Variants in AOAH observed in about 807,000 individuals in gnomAD.
AOAH encodes the protein acyloxyacyl hydrolase (neutrophil).
AOAH carries 64 observed loss-of-function variants against 92.2 expected under a neutral mutation model. The observed-to-expected ratio is 0.69, with a 90% CI of 0.57 to 0.86. The LOEUF is 0.86. Ranked by LOEUF, AOAH falls within the 40% of genes least tolerant of loss-of-function variation. The probability of loss-of-function intolerance (pLI) is 0.00; values close to 1 mark genes in which losing one functional copy is unlikely to be tolerated. For missense variants in AOAH, 656 were observed against 694.6 expected (o/e 0.94, Z 0.62); for synonymous variants, 263 against 254.5 (o/e 1.03, Z -0.32).
chr7:36,569,602 T>C (rs1787979794), intron 13 of AOAH, among the ~76,000 whole-genome samples: 1 of 151,574 alleles, frequency 6.6e-6, no homozygotes, highest in African/African-American at 2.4e-5. Context: ...TATCTATCTA[T>C]CTATCTATCT....
chr7:36,561,400 A>G (rs1190406949), intron 13 of AOAH, among the ~76,000 whole-genome samples: 1 of 152,164 alleles, frequency 6.6e-6, no homozygotes, highest in African/African-American at 2.4e-5. Flanking sequence ...GGAAAAGCCA[A>G]TTGATTTGAG....
intron 2 of AOAH, among the ~76,000 whole-genome samples, chr7:36,680,284 G>A (rs553461357): frequency 2.6e-5 from 4 of 152,130 alleles, no homozygotes; most frequent in Non-Finnish European, 5.9e-5. Context: ...TGCTTTGCAC[G>A]ATTAGAAAAA....
At chr7:36,588,129 A>G (rs1339722549) in intron 12 of AOAH, among the ~76,000 whole-genome samples, 2 of 152,216 alleles carry the variant, frequency 1.3e-5, no homozygotes, top group Non-Finnish European at 2.9e-5. Flanking sequence ...GCTTTGTACT[A>G]TGTGACATTT....
chr7:36,558,821 C>T (rs995540711), intron 13 of AOAH, among the ~76,000 whole-genome samples: 9 of 152,368 alleles, frequency 5.9e-5, no homozygotes, highest in East Asian at 5.8e-4. Flanking sequence ...TTCCTAAGCC[C>T]GTTGGAAAAG....
At chr7:36,551,629 G>T (rs1176915561) in intron 13 of AOAH, among the ~76,000 whole-genome samples, 1 of 151,998 alleles carries the variant, frequency 6.6e-6, no homozygotes, top group African/African-American at 2.4e-5. Flanking sequence ...TGTCCTTTTG[G>T]GTCTGGTTTA....
rs1401306443 is a variant in AOAH at position 36,540,302 on chromosome 7, A to G, written c.1306+17T>C. ...CATTGATGTTATTAAAGAGTAAAAG[A>G]ATCTTCAAACTGATACCGAGAGGAT... On this transcript the variant is annotated intron_variant, in intron 16 of 20. Coordinates refer to ENST00000617537, the MANE Select transcript of AOAH (RefSeq NM_001637.4). 14 of 1,597,558 alleles carry G rather than the reference A, an allele frequency of 8.8e-6. No homozygotes were observed. Among genetic ancestry groups the G allele is most frequent in the Non-Finnish European group, 1.2e-5 (14 of 1,170,302 alleles).
rs148283194 is a variant in AOAH at position 36,716,830 on chromosome 7, G to C, written c.127+7192C>G. The stretch of plus-strand genomic sequence containing the variant: ...ACACACCGGGGCCTGTTGTGGGGTG[G>C]AGGGAGCGGGGAGGGATAGCATTAG... On this transcript the variant is annotated intron_variant, in intron 1 of 20. Coordinates refer to ENST00000617537, the MANE Select transcript of AOAH (RefSeq NM_001637.4). 2.2e-3 allele frequency among the ~76,000 whole-genome samples: 332 copies of C among 151,974 alleles called. 3 individuals are homozygous for C. The highest frequency in any genetic ancestry group is 7.8e-3 in the African/African-American group (322 of 41,382).
At chr7:36,604,511 G>C (rs985010291) in intron 11 of AOAH, among the ~76,000 whole-genome samples, 1 of 152,202 alleles carries the variant, frequency 6.6e-6, no homozygotes, top group Non-Finnish European at 1.5e-5. Flanking sequence ...CTTAGTCTCT[G>C]TTGCAGCCTG....
At chr7:36,715,189 CAGAG>C (rs1169672594) in intron 1 of AOAH, among the ~76,000 whole-genome samples, 1 of 152,084 alleles carries the variant, frequency 6.6e-6, no homozygotes, top group Non-Finnish European at 1.5e-5. Context: ...CAATAACAGA[CAGAG>C]AGCCAAATCA....
chr7:36,678,505 G>C (rs773457626), intron 2 of AOAH, among the ~76,000 whole-genome samples: 32 of 151,544 alleles, frequency 2.1e-4, no homozygotes, highest in Non-Finnish European at 4.1e-4. Context: ...TTCTAATACT[G>C]GCTGAAAGGC....
rs1554360834 is a variant in AOAH, at chr7:36,517,156, G to GTCTGTCTTTCTT, written c.1600-3777_1600-3776insAAGAAAGACAGA. Among the ~76,000 whole-genome samples the GTCTGTCTTTCTT allele has an allele frequency of 1.2e-3, 116 of 95,494 alleles. 1 individual carries two copies. The highest frequency in any genetic ancestry group is 5.0e-3 in the Middle Eastern group (1 of 200). 62.6% of individuals were successfully genotyped at this position (95,494 alleles called of 152,430 possible). A position where few individuals can be genotyped will look rare whatever the true frequency, so the allele number is the denominator to read the frequency against. ...CCCTTTCCTCTCTTTATCCATGTTA[G>GTCTGTCTTTCTT]TCTTTCTTTCTTTCTTTCTTTCTTT... On this transcript the variant is annotated intron_variant, in intron 20 of 20. Coordinates refer to ENST00000617537, the MANE Select transcript of AOAH (RefSeq NM_001637.4).
At chr7:36,527,529 C>T (rs1784464128) in intron 19 of AOAH, among the ~76,000 whole-genome samples, 1 of 151,320 alleles carries the variant, frequency 6.6e-6, no homozygotes, top group East Asian at 2.0e-4. Context: ...GTGAATGGAG[C>T]TGGGGGGTGG....
chr7:36,564,181 G>C (rs1000415602), intron 13 of AOAH, among the ~76,000 whole-genome samples: 3 of 151,998 alleles, frequency 2.0e-5, no homozygotes, highest in African/African-American at 7.3e-5. Context: ...TGTCCTTTTT[G>C]AATTCCTATT....
intron 11 of AOAH, among the ~76,000 whole-genome samples, chr7:36,613,028 T>A (rs1191490197): frequency 7.4e-6 from 1 of 135,090 alleles, no homozygotes; most frequent in African/African-American, 2.5e-5. Flanking sequence ...TATATCTAGT[T>A]TTTTTTGTGT....
chr7:36,589,991 T>G (rs1789630802), intron 12 of AOAH, among the ~76,000 whole-genome samples: 1 of 152,176 alleles, frequency 6.6e-6, no homozygotes, highest in African/African-American at 2.4e-5. Flanking sequence ...TTGCCCAGGC[T>G]GGAGTACAGT....
intron 11 of AOAH, among the ~76,000 whole-genome samples, chr7:36,605,332 A>G (rs914227182): frequency 1.3e-5 from 2 of 152,232 alleles, no homozygotes; most frequent in Non-Finnish European, 2.9e-5. Context: ...CTCTTTCCAC[A>G]TGCCAATGAA....
chr7:36,530,364 C>G, intron 19 of AOAH, 54 bp downstream of exon 19: 1 of 1,334,476 alleles, frequency 7.5e-7, no homozygotes, highest in East Asian at 2.3e-5. Flanking sequence ...TTGCCCAGGC[C>G]CTAAACTAGC....
intron 13 of AOAH, among the ~76,000 whole-genome samples, chr7:36,558,180 T>C (rs1027183903): frequency 1.1e-4 from 17 of 152,180 alleles, no homozygotes; most frequent in African/African-American, 4.1e-4. Context: ...ATGTCCTTTC[T>C]GTTTGTTAGT....
chr7:36,713,815 A>G (rs1798942148), intron 1 of AOAH, among the ~76,000 whole-genome samples: 1 of 152,232 alleles, frequency 6.6e-6, no homozygotes, highest in Non-Finnish European at 1.5e-5. Context: ...TCTCTGGGAC[A>G]CATTCAAAGC....
Sources: allele counts gnomAD v4.1 joint callset (sites outside exome capture counted in the v4.1 genomes callset), GRCh38; gene constraint gnomAD v4.1.1; transcripts MANE v1.5; gene names NCBI Gene and HGNC (gene_info 2026-07-23, HGNC 2026-07-21).